MED26: variants seen among roughly 807,000 people sequenced by gnomAD.
The protein encoded by MED26 is mediator complex subunit 26.
In MED26, 7 loss-of-function variants were observed where a neutral mutation model predicts 43.7. The observed-to-expected ratio is 0.16, with a 90% CI of 0.09 to 0.30. The LOEUF (loss-of-function observed/expected upper bound fraction) is 0.30, where lower values mean the gene tolerates loss of function less well. Ranked by LOEUF, MED26 falls within the 10% of genes least tolerant of loss-of-function variation. The pLI, the probability that MED26 is intolerant of heterozygous loss-of-function variation, is 1.00. For synonymous variants in MED26, 375 were observed against 371.1 expected (o/e 1.01, Z -0.12); for missense variants, 784 against 840.6 (o/e 0.93, Z 0.83).
At chr19:16,624,811 T>A (rs73516981) in intron 1 of MED26, 3 of 152,190 alleles carry the variant, frequency 2.0e-5, no homozygotes, top group Non-Finnish European at 4.4e-5. Flanking sequence ...AGGTCCAAGA[T>A]GGATGCTAGG....
intron 1 of MED26, among the ~76,000 whole-genome samples, chr19:16,619,324 T>C (rs3786601): frequency 0.13 from 19,520 of 152,172 alleles, 1,315 homozygotes; most frequent in South Asian, 0.15. Flanking sequence ...GCAGCATCTA[T>C]AAAGGGTTCT....
chr19:16,581,298 C>T (rs1767982615), intron 1 of MED26, among the ~76,000 whole-genome samples: 1 of 152,204 alleles, frequency 6.6e-6, no homozygotes, highest in South Asian at 2.1e-4. Flanking sequence ...AGGGGAGATA[C>T]AGTCCTGTCC....
At position 16,581,465 on chromosome 19, in the gene MED26, CTGACCTCACCCTGG is replaced by C. The variant is rs953427107; in HGVS notation, c.73-3070_73-3057del. Reference sequence around the variant, plus strand: ...GCCACATGGCTTCACCTCCACCCTGCTGACCTCACCCTGGTATATTTGGAGCCCTGGTTCCCCAC... The same window carrying C: ...GCCACATGGCTTCACCTCCACCCTGCTATATTTGGAGCCCTGGTTCCCCAC... On this transcript the variant is annotated intron_variant, in intron 1 of 2. Coordinates refer to ENST00000263390, the MANE Select transcript of MED26 (RefSeq NM_004831.5). 2.7e-4 allele frequency among the ~76,000 whole-genome samples: 41 copies of C among 152,374 alleles called. 1 individual carries two copies. Among genetic ancestry groups the C allele is most frequent in the Admixed American group, 1.6e-3 (25 of 15,312 alleles).
Position 16,576,034 on chromosome 19 carries a change from A to C in MED26, c.1796T>G (p.Leu599Trp). The change falls in exon 3 of 3, where the codon TTG becomes TGG. Residue 599 changes from leucine (L) to tryptophan (W), a missense_variant. Physicochemically the swap from Leu to Trp is moderately conservative, Grantham distance 61. Transcript: ENST00000263390. This position sits in a 1 kb window ranked among gnomAD's most constrained non-coding sequence, Gnocchi z 6.8. ...GRLNILPYVC[L>W]D ...TTGTGGCTGACAGGCCGGTCAGTCC[A>C]AGCAGACATAAGGCAGAATGTTCAA... 6.2e-7 allele frequency: 1 copy of C among 1,611,900 alleles called. No homozygotes were observed. The highest frequency in any genetic ancestry group is 1.3e-5 in the African/African-American group (1 of 74,962).
chr19:16,606,921 C>A (rs2086176135), intron 1 of MED26, among the ~76,000 whole-genome samples: 1 of 152,238 alleles, frequency 6.6e-6, no homozygotes, highest in Non-Finnish European at 1.5e-5. Context: ...AAGGCTCTCC[C>A]TGTGTTGGTC....
chr19:16,614,453 G>A (rs926144823), intron 1 of MED26, among the ~76,000 whole-genome samples: 3 of 152,036 alleles, frequency 2.0e-5, no homozygotes, highest in South Asian at 2.1e-4. Context: ...CACTTGAGCC[G>A]GGGACGTAGA....
intron 1 of MED26, among the ~76,000 whole-genome samples, chr19:16,584,944 A>C (rs113436595): frequency 6.6e-6 from 1 of 152,046 alleles, no homozygotes; most frequent in Admixed American, 6.6e-5. Flanking sequence ...GCTGTTTCCA[A>C]CTCCTCATAG....
chr19:16,591,053 AAATAAATAAAT>A (rs955670796), intron 1 of MED26, among the ~76,000 whole-genome samples: 2 of 14,728 alleles, frequency 1.4e-4, no homozygotes, highest in East Asian at 1.4e-3. Flanking sequence ...AAAATAAAAT[AAATAAATAAAT>A]AAATAAATAA....
At position 16,576,481 on chromosome 19, in the gene MED26, T is replaced by G; in HGVS notation, c.1349A>C (p.His450Pro). Residue 450 changes from histidine to proline, a missense_variant, in exon 3 of 3, where the codon CAC (histidine) becomes CCC (proline). Coordinates refer to ENST00000263390, the MANE Select transcript of MED26 (RefSeq NM_004831.5). This position sits in a 1 kb window ranked among gnomAD's most constrained non-coding sequence, Gnocchi z 6.8. ...KEPVRADSPV[H>P]MEQQSRTELD... ...CTCTGTCCTGGACTGCTGCTCCATG[T>G]GCACAGGGCTGTCTGCCCGCACTGG... 2 of 1,614,210 alleles carry G rather than the reference T, an allele frequency of 1.2e-6. No individual in the cohort carries two copies. The highest frequency in any genetic ancestry group is 1.7e-6 in the Non-Finnish European group (2 of 1,180,038).
intron 1 of MED26, among the ~76,000 whole-genome samples, chr19:16,589,810 T>C (rs2086087678): frequency 6.6e-6 from 1 of 152,250 alleles, no homozygotes; most frequent in African/African-American, 2.4e-5. Flanking sequence ...GTGAATTCCA[T>C]GATCTTAGAG....
At position 16,576,474 on chromosome 19, in the gene MED26, C is replaced by T; in HGVS notation, c.1356G>A (p.Glu452=). ...TGTCCAGCTCTGTCCTGGACTGCTG[C>T]TCCATGTGCACAGGGCTGTCTGCCC... The part of the protein sequence containing the change: ...PVRADSPVHM[E]QQSRTELDKQ... The change falls in exon 3 of 3, where the codon GAG becomes GAA. Residue 452 remains glutamate (E), a synonymous_variant. Transcript: ENST00000263390. The surrounding 1 kb of genome is among the most constrained non-coding windows in gnomAD (Gnocchi z 6.8). The T allele has an allele frequency of 2.5e-6, 4 of 1,614,174 alleles. No individual in the cohort carries two copies. The highest frequency in any genetic ancestry group is 3.4e-6 in the Non-Finnish European group (4 of 1,180,026).
intron 1 of MED26, among the ~76,000 whole-genome samples, chr19:16,621,589 T>C (rs1311611758): frequency 1.3e-5 from 2 of 152,184 alleles, no homozygotes; most frequent in East Asian, 1.9e-4. Context: ...CCCAGAGGGC[T>C]GCTGGTACTT....
In MED26 at chr19:16,616,548, C is replaced by A. The variant is rs148215137; in HGVS notation, c.72+11324G>T. On this transcript the variant is annotated intron_variant, in intron 1 of 2. Coordinates refer to ENST00000263390, the MANE Select transcript of MED26 (RefSeq NM_004831.5). ...TGCAGGAAGAAGGACTCCAGGATGG[C>A]CCTAAGGTGGTCTACAGAGCAGTAG... Among the ~76,000 whole-genome samples the A allele has an allele frequency of 5.4e-3, 829 of 152,248 alleles. 8 individuals are homozygous for A. Among genetic ancestry groups the A allele is most frequent in the African/African-American group, 0.018 (751 of 41,530 alleles).
chr19:16,578,784 C>A, intron 1 of MED26: 1 of 217,034 alleles, frequency 4.6e-6, no homozygotes, highest in Non-Finnish European at 9.0e-6. Flanking sequence ...AAGAATTCAT[C>A]GAATAAAATC....
chr19:16,599,612 C>T (rs1364518027), intron 1 of MED26, among the ~76,000 whole-genome samples: 1 of 152,182 alleles, frequency 6.6e-6, no homozygotes, highest in Non-Finnish European at 1.5e-5. Flanking sequence ...GGCTCTGATG[C>T]ATTCCGGCCC....
chr19:16,614,651 C>T (rs1328039411), intron 1 of MED26, among the ~76,000 whole-genome samples: 2 of 152,170 alleles, frequency 1.3e-5, no homozygotes, highest in Non-Finnish European at 2.9e-5. Context: ...TGGGTCCTGT[C>T]GACGGCTTCT....
At chr19:16,597,288 C>T (rs2086124809) in intron 1 of MED26, 2 of 396,948 alleles carry the variant, frequency 5.0e-6, no homozygotes, top group East Asian at 3.6e-5. Context: ...GTTAAGTTTC[C>T]CCCACTTCAC....
chr19:16,602,522 G>A (rs2086154577), intron 1 of MED26, among the ~76,000 whole-genome samples: 1 of 152,222 alleles, frequency 6.6e-6, no homozygotes, highest in African/African-American at 2.4e-5. Flanking sequence ...AAGCAGGGAC[G>A]TGGACAGACA....
chr19:16,576,169 C>G lies in MED26; in HGVS notation c.1661G>C (p.Arg554Thr). The G allele has an allele frequency of 1.2e-6, 2 of 1,613,582 alleles. No homozygotes were observed. Among genetic ancestry groups the G allele is most frequent in the Non-Finnish European group, 1.7e-6 (2 of 1,180,030 alleles). ...TREVTQDDLD[R>T]IQASQWPGVN... is the part of the protein sequence containing the mutation. ...CCCCGGCCACTGGCTGGCCTGGATT[C>G]TGTCGAGATCGTCCTGTGTGACCTC... is the stretch of plus-strand genomic sequence containing the variant. Residue 554 changes from arginine (R) to threonine (T), a missense_variant, in exon 3 of 3, where the codon AGA becomes ACA. Physicochemically the swap from Arg to Thr is moderately conservative, Grantham distance 71. This residue lies in a region of MED26 where 719 missense variants were observed against 730.9 expected (regional missense o/e 0.98). Coordinates refer to ENST00000263390, the MANE Select transcript of MED26 (RefSeq NM_004831.5). The surrounding 1 kb of genome is among the most constrained non-coding windows in gnomAD (Gnocchi z 6.8).
Sources: allele counts gnomAD v4.1 joint callset (sites outside exome capture counted in the v4.1 genomes callset), GRCh38; gene constraint gnomAD v4.1.1; regional missense constraint gnomAD v4.1.1; non-coding constraint Gnocchi (gnomAD v3.1); transcripts MANE v1.5; gene names NCBI Gene and HGNC (gene_info 2026-07-23, HGNC 2026-07-21).